The following CEP112 variants were observed in gnomAD, a reference collection of about 807,000 sequenced individuals.
The protein encoded by CEP112 is centrosomal protein 112.
Under a neutral mutation model 153.0 loss-of-function variants are expected in CEP112, and 127 were observed. The ratio of observed to expected loss-of-function variants is 0.83; its 90% CI spans 0.72 to 0.96. The LOEUF is 0.96. Among genes scored for constraint, CEP112 ranks in the 40% least tolerant of loss-of-function variants. The probability of loss-of-function intolerance (pLI) is 0.00; values close to 1 mark genes in which losing one functional copy is unlikely to be tolerated. For missense variants in CEP112, 1,089 were observed against 1,101.2 expected, an observed-to-expected ratio of 0.99 and a Z score of 0.16; for synonymous variants, 358 against 374.4, an observed-to-expected ratio of 0.96 and a Z score of 0.51.
At chr17:66,076,881 CTG>C (rs1393914187) in intron 8 of CEP112, among the ~76,000 whole-genome samples, 2 of 152,194 alleles carry the variant, frequency 1.3e-5, no homozygotes, top group African/African-American at 4.8e-5. Flanking sequence ...TCACAGGACT[CTG>C]TGCAGACAAC....
At chr17:65,767,540 A>G (rs976062589) in intron 21 of CEP112, among the ~76,000 whole-genome samples, 2 of 44,562 alleles carry the variant, frequency 4.5e-5, no homozygotes, top group African/African-American at 4.5e-4. Context: ...ATCAGAAAAG[A>G]AATAGAGAAT....
intron 4 of CEP112, among the ~76,000 whole-genome samples, chr17:66,156,785 G>C (rs1380141566): frequency 6.6e-6 from 1 of 152,000 alleles, no homozygotes; most frequent in African/African-American, 2.4e-5. Context: ...GGATATCAGA[G>C]ATTAAAGATC....
At chr17:65,828,657 C>A (rs2056944758) in intron 21 of CEP112, among the ~76,000 whole-genome samples, 1 of 151,134 alleles carries the variant, frequency 6.6e-6, no homozygotes, top group African/African-American at 2.4e-5. Context: ...CTTACTCTAA[C>A]TAGTATATAA....
rs76674341 is a variant in CEP112 at position 65,950,328 on chromosome 17, C to T, written c.1872+11135G>A. ...TTGTAGGTCAATTATCGGAGAATTACCATCTTGACAAAATTGAGCTTTCTA... is the reference window on the plus strand; with the variant it reads ...TTGTAGGTCAATTATCGGAGAATTATCATCTTGACAAAATTGAGCTTTCTA... On this transcript the variant is annotated intron_variant, in intron 18 of 26. Transcript: ENST00000535342. Among the ~76,000 whole-genome samples the T allele has an allele frequency of 7.4e-3, 1,121 of 152,146 alleles. 7 individuals are homozygous for T. The highest frequency in any genetic ancestry group is 0.012 in the Non-Finnish European group (794 of 67,982).
At chr17:66,182,686 A>C (rs2072766585) in intron 2 of CEP112, among the ~76,000 whole-genome samples, 1 of 152,198 alleles carries the variant, frequency 6.6e-6, no homozygotes, top group Admixed American at 6.5e-5. Flanking sequence ...TTCATTCCAT[A>C]ATTAGAAATA....
chr17:65,965,359 T>C (rs1304782849), intron 17 of CEP112, among the ~76,000 whole-genome samples: 3 of 152,258 alleles, frequency 2.0e-5, no homozygotes, highest in Middle Eastern at 3.4e-3. Flanking sequence ...CAGGGAAATA[T>C]GTAAAATCTG....
At chr17:65,943,884 T>C (rs2061573834) in intron 18 of CEP112, among the ~76,000 whole-genome samples, 1 of 152,228 alleles carries the variant, frequency 6.6e-6, no homozygotes, top group Non-Finnish European at 1.5e-5. Flanking sequence ...CATAATCTGA[T>C]AGTTCTCAGA....
intron 23 of CEP112, among the ~76,000 whole-genome samples, chr17:65,690,425 CAAAAAA>C (rs67648497): frequency 0.035 from 2,710 of 76,708 alleles, 98 homozygotes; most frequent in African/African-American, 0.13. Context: ...GACCCTGTCT[CAAAAAA>C]AAAAAAAAAA....
intron 23 of CEP112, among the ~76,000 whole-genome samples, chr17:65,735,359 T>A (rs2050738704): frequency 6.6e-6 from 1 of 152,156 alleles, no homozygotes; most frequent in Non-Finnish European, 1.5e-5. Flanking sequence ...AGAACTACTT[T>A]TCTCTAAGAC....
intron 4 of CEP112, among the ~76,000 whole-genome samples, chr17:66,157,261 T>G (rs1442416579): frequency 6.6e-6 from 1 of 152,216 alleles, no homozygotes; most frequent in Admixed American, 6.5e-5. Flanking sequence ...ATCCAGAATT[T>G]CATATCCAGC....
chr17:66,096,708 A>G, intron 6 of CEP112, 76 bp from the exon 7 acceptor site: 1 of 905,262 alleles, frequency 1.1e-6, no homozygotes, highest in Non-Finnish European at 1.7e-6. Context: ...AAAATATAGA[A>G]TTAAGCTGCC....
intron 18 of CEP112, among the ~76,000 whole-genome samples, chr17:65,950,699 C>CTATTATTATTATTATTATTAT (rs57598697): frequency 0.042 from 6,164 of 147,104 alleles, 166 homozygotes; most frequent in South Asian, 0.087. Flanking sequence ...GGATACATTA[C>CTATTATTATTATTATTATTAT]TAGTAGTAGT....
chr17:66,142,129 G>T (rs1007760085), intron 4 of CEP112, among the ~76,000 whole-genome samples: 1 of 152,256 alleles, frequency 6.6e-6, no homozygotes, highest in East Asian at 1.9e-4. Flanking sequence ...CTGATGATGC[G>T]TGATGTTGAA....
At chr17:65,713,031 A>G (rs2049288768) in intron 23 of CEP112, among the ~76,000 whole-genome samples, 1 of 152,250 alleles carries the variant, frequency 6.6e-6, no homozygotes, top group African/African-American at 2.4e-5. Flanking sequence ...AAAGTATAGC[A>G]CACTGACAAC....
At chr17:65,974,754 T>C (rs112838945) in intron 17 of CEP112, among the ~76,000 whole-genome samples, 1 of 152,040 alleles carries the variant, frequency 6.6e-6, no homozygotes, top group Admixed American at 6.6e-5. Flanking sequence ...GAGAAAACAA[T>C]GAGATATGCA....
intron 17 of CEP112, among the ~76,000 whole-genome samples, chr17:65,987,584 G>A (rs1306230867): frequency 6.6e-6 from 1 of 152,118 alleles, no homozygotes; most frequent in Non-Finnish European, 1.5e-5. Context: ...TCAGATTTCT[G>A]GTTTCAAAAT....
intron 21 of CEP112, among the ~76,000 whole-genome samples, chr17:65,800,200 T>C (rs2145814134): frequency 6.6e-6 from 1 of 152,286 alleles, no homozygotes; most frequent in South Asian, 2.1e-4. Flanking sequence ...CTTAAAGTTG[T>C]ACAACCATCA....
chr17:65,877,325 G>C (rs1294322911), intron 20 of CEP112, among the ~76,000 whole-genome samples: 1 of 152,216 alleles, frequency 6.6e-6, no homozygotes, highest in Non-Finnish European at 1.5e-5. Context: ...TGCCCTTTGG[G>C]AGCACCCTCA....
intron 23 of CEP112, among the ~76,000 whole-genome samples, chr17:65,733,344 A>C (rs1205948560): frequency 6.6e-6 from 1 of 152,242 alleles, no homozygotes; most frequent in Non-Finnish European, 1.5e-5. Context: ...CATAACAGAT[A>C]TAATAATGAA....
Sources: allele counts gnomAD v4.1 joint callset (sites outside exome capture counted in the v4.1 genomes callset), GRCh38; gene constraint gnomAD v4.1.1; transcripts MANE v1.5; gene names NCBI Gene and HGNC (gene_info 2026-07-23, HGNC 2026-07-21).